Variants in ZNRF3 observed in about 807,000 individuals in gnomAD.
ZNRF3 encodes the protein zinc and ring finger 3.
A neutral mutation model predicts 72.5 loss-of-function variants in ZNRF3; 23 were observed. The observed-to-expected ratio is 0.32, with a 90% confidence interval of 0.23 to 0.45. The LOEUF (loss-of-function observed/expected upper bound fraction) is 0.45. Among genes scored for constraint, ZNRF3 ranks in the 20% least tolerant of loss-of-function variants. The pLI is 1.00. For missense variants in ZNRF3, 1,169 were observed against 1,272.1 expected (o/e 0.92, Z 1.23); for synonymous variants, 610 against 545.3 (o/e 1.12, Z -1.65).
chr22:29,000,840 G>T (rs1331102699), intron 2 of ZNRF3, among the ~76,000 whole-genome samples: 5 of 152,094 alleles, frequency 3.3e-5, no homozygotes, highest in Non-Finnish European at 5.9e-5. Context: ...CTAGGCTGGG[G>T]TGCAGTGATG....
intron 2 of ZNRF3, among the ~76,000 whole-genome samples, chr22:29,039,377 G>A (rs759060790): frequency 2.0e-5 from 3 of 152,122 alleles, no homozygotes; most frequent in Non-Finnish European, 2.9e-5. Context: ...CACAGGTACC[G>A]CGCTCCTGAT....
Position 29,048,380 on chromosome 22 carries a change from C to T in ZNRF3, c.913-9C>T, listed in dbSNP as rs201961119. 2.2e-4 allele frequency: 357 copies of T among 1,612,434 alleles called. 1 individual carries two copies. The highest frequency in any genetic ancestry group is 3.7e-5 in the Non-Finnish European group (44 of 1,178,892). On this transcript the variant is annotated splice_polypyrimidine_tract_variant and intron_variant, in intron 6 of 8. Transcript: ENST00000544604. This position sits in a 1 kb window ranked among gnomAD's most constrained non-coding sequence, Gnocchi z 4.9. Reference sequence around the variant, plus strand: ...AAGGCAGACTTGTGTCCCCTCTCTCCCTGCCCAGGAGCTGCGGGTCATCCC... The same window carrying T: ...AAGGCAGACTTGTGTCCCCTCTCTCTCTGCCCAGGAGCTGCGGGTCATCCC...
intron 1 of ZNRF3, among the ~76,000 whole-genome samples, chr22:28,965,917 AAG>A (rs565778735): frequency 1.8e-4 from 28 of 152,302 alleles, no homozygotes; most frequent in African/African-American, 6.7e-4. Context: ...ATTTTGTAGG[AAG>A]AGAGAGAGAA....
intron 1 of ZNRF3, among the ~76,000 whole-genome samples, chr22:28,945,357 GA>G (rs1194844064): frequency 6.6e-6 from 1 of 151,910 alleles, no homozygotes; most frequent in Admixed American, 6.6e-5. Flanking sequence ...GCTCATAAGT[GA>G]AAAAAGCAGA....
At chr22:28,950,486 C>T (rs2035140277) in intron 1 of ZNRF3, among the ~76,000 whole-genome samples, 1 of 152,200 alleles carries the variant, frequency 6.6e-6, no homozygotes, top group Non-Finnish European at 1.5e-5. Flanking sequence ...TCACAAAGCA[C>T]TAACCACTGA....
At chr22:28,957,913 C>T (rs1357910670) in intron 1 of ZNRF3, among the ~76,000 whole-genome samples, 1 of 151,590 alleles carries the variant, frequency 6.6e-6, no homozygotes, top group African/African-American at 2.4e-5. Flanking sequence ...TTGCTGGGCG[C>T]GGTGGTTCAA....
chr22:29,029,167 C>T (rs1162267236), intron 2 of ZNRF3, among the ~76,000 whole-genome samples: 1 of 152,236 alleles, frequency 6.6e-6, no homozygotes, highest in African/African-American at 2.4e-5. Context: ...TGGCAAGGAG[C>T]TCCAAGGAGT....
At chr22:28,995,722 G>T (rs543358424) in intron 2 of ZNRF3, among the ~76,000 whole-genome samples, 1 of 152,060 alleles carries the variant, frequency 6.6e-6, no homozygotes, top group Non-Finnish European at 1.5e-5. Flanking sequence ...TGTGGCTGGG[G>T]GCTGGTAGGG....
intron 2 of ZNRF3, among the ~76,000 whole-genome samples, chr22:28,991,311 A>C (rs1051709961): frequency 2.7e-4 from 33 of 122,304 alleles, no homozygotes; most frequent in Admixed American, 7.7e-4. Context: ...AAAAAAAAAA[A>C]GAAGAACAGT....
In ZNRF3 at chr22:29,049,870, C is replaced by T. The variant is rs1227056558; in HGVS notation, c.1689C>T (p.Ser563=). ...SSSSSGQCHC[S]SSDSVVDCTE... ...GCAGCTCCGGCCAGTGCCACTGTTCCTCCAGTGACTCTGTGGTAGACTGCA... is the reference window on the plus strand; with the variant it reads ...GCAGCTCCGGCCAGTGCCACTGTTCTTCCAGTGACTCTGTGGTAGACTGCA... Residue 563 remains serine (S), a synonymous_variant, in exon 8 of 9, where the codon TCC becomes TCT. Coordinates refer to ENST00000544604, the MANE Select transcript of ZNRF3 (RefSeq NM_001206998.2). The surrounding 1 kb of genome is among the most constrained non-coding windows in gnomAD (Gnocchi z 5.2). 1.2e-6 allele frequency: 2 copies of T among 1,605,194 alleles called. No individual in the cohort carries two copies. Among genetic ancestry groups the T allele is most frequent in the Non-Finnish European group, 1.7e-6 (2 of 1,175,322 alleles).
At chr22:28,967,271 G>C (rs1448052606) in intron 1 of ZNRF3, among the ~76,000 whole-genome samples, 3 of 152,136 alleles carry the variant, frequency 2.0e-5, no homozygotes, top group Non-Finnish European at 4.4e-5. Flanking sequence ...TGTTACAGTT[G>C]ACTACAGTAC....
Position 29,048,927 on chromosome 22 carries a change from G to A in ZNRF3, c.1016-270G>A, listed in dbSNP as rs150224270. Among the ~76,000 whole-genome samples the A allele has an allele frequency of 9.9e-5, 15 of 152,274 alleles. No individual in the cohort carries two copies. The highest frequency in any genetic ancestry group is 3.9e-4 in the East Asian group (2 of 5,162). On this transcript the variant is annotated intron_variant, in intron 7 of 8. Coordinates refer to ENST00000544604, the MANE Select transcript of ZNRF3 (RefSeq NM_001206998.2). This position sits in a 1 kb window ranked among gnomAD's most constrained non-coding sequence, Gnocchi z 4.9. Reference sequence around the variant, plus strand: ...GAGGGACACTGGCATCTTTGAATCCGATTCTTTTCTGCAGACTTCTGTGGT... The same window carrying A: ...GAGGGACACTGGCATCTTTGAATCCAATTCTTTTCTGCAGACTTCTGTGGT...
chr22:28,963,929 A>G (rs1487160855), intron 1 of ZNRF3, among the ~76,000 whole-genome samples: 3 of 152,208 alleles, frequency 2.0e-5, no homozygotes, highest in Non-Finnish European at 4.4e-5. Context: ...ATCTAATGCC[A>G]GAGACGGATG....
chr22:29,038,172 C>A (rs1158981720), intron 2 of ZNRF3, among the ~76,000 whole-genome samples: 1 of 152,094 alleles, frequency 6.6e-6, no homozygotes, highest in Non-Finnish European at 1.5e-5. Context: ...ACTGTGAACT[C>A]CTAATTAGGG....
rs766249044 is a variant in ZNRF3, at chr22:29,050,471, G to A, written c.2290G>A (p.Asp764Asn). ...CCAGGGCTTGTACGGCCTTCACCCC[G>A]ACCATTTGCCCAGGACAGATGGGGT... ...SSQGLYGLHPDHLPRTDGVKY... is the reference protein window; with the variant it reads ...SSQGLYGLHPNHLPRTDGVKY... The change falls in exon 8 of 9, where the codon GAC (aspartate) becomes AAC (asparagine). Residue 764 changes from aspartate (D) to asparagine (N), a missense_variant. Physicochemically the swap from Asp to Asn is conservative, Grantham distance 23. Transcript: ENST00000544604. 2 of 1,612,538 alleles carry A rather than the reference G, an allele frequency of 1.2e-6. No homozygotes were observed. Among genetic ancestry groups the A allele is most frequent in the South Asian group, 2.2e-5 (2 of 91,054 alleles).
At chr22:28,944,575 C>G (rs565452543) in intron 1 of ZNRF3, among the ~76,000 whole-genome samples, 1 of 151,746 alleles carries the variant, frequency 6.6e-6, no homozygotes, top group Admixed American at 6.6e-5. Context: ...GCCAACATGG[C>G]GAAACCCTGT....
At chr22:28,983,942 A>G (rs942421071) in intron 1 of ZNRF3, among the ~76,000 whole-genome samples, 4 of 151,782 alleles carry the variant, frequency 2.6e-5, no homozygotes, top group African/African-American at 9.7e-5. Context: ...CCTGTTTTTC[A>G]TCTTGTGGTA....
At chr22:28,892,815 T>C (rs932877770) in intron 1 of ZNRF3, among the ~76,000 whole-genome samples, 1 of 152,120 alleles carries the variant, frequency 6.6e-6, no homozygotes, top group Non-Finnish European at 1.5e-5. Context: ...AGAATTTTGA[T>C]GGGAAAACGT....
intron 2 of ZNRF3, among the ~76,000 whole-genome samples, chr22:28,993,929 T>C (rs538527131): frequency 6.6e-6 from 1 of 152,256 alleles, no homozygotes; most frequent in East Asian, 1.9e-4. Flanking sequence ...TCCTCCTGCC[T>C]CCCAAAGTGC....
Sources: gnomAD v4.1 joint callset for allele counts (sites outside exome capture counted in the v4.1 genomes callset) on GRCh38, gnomAD v4.1.1 for gene constraint, Gnocchi (gnomAD v3.1) non-coding constraint, MANE v1.5 for transcripts, NCBI Gene and HGNC (gene_info 2026-07-23, HGNC 2026-07-21) for gene names.